PALLD: variants seen among roughly 807,000 people sequenced by gnomAD.
PALLD encodes palladin.
Under a neutral mutation model 123.5 loss-of-function variants are expected in PALLD, and 61 were observed. The observed-to-expected ratio is 0.49, with a 90% confidence interval of 0.40 to 0.61. PALLD has a LOEUF of 0.61. PALLD is among the 20% of genes least tolerant of loss of function. The probability of loss-of-function intolerance (pLI) is 0.00; values close to 1 mark genes in which losing one functional copy is unlikely to be tolerated. For missense variants in PALLD, 1,273 were observed against 1,377.0 expected (o/e 0.92, Z 1.20); for synonymous variants, 465 against 496.4 (o/e 0.94, Z 0.84).
intron 3 of PALLD, among the ~76,000 whole-genome samples, chr4:168,676,602 A>G (rs9999065): frequency 0.079 from 11,958 of 150,978 alleles, 1,113 homozygotes; most frequent in African/African-American, 0.22. Flanking sequence ...TTTTTTTGAA[A>G]AGTCTCGCTC....
At chr4:168,577,494 C>G (rs1283862908) in intron 2 of PALLD, among the ~76,000 whole-genome samples, 1 of 152,114 alleles carries the variant, frequency 6.6e-6, no homozygotes, top group Non-Finnish European at 1.5e-5. Flanking sequence ...ATGACATTCA[C>G]AGGATTGTAA....
chr4:168,899,887 G>A (rs1756089922), intron 14 of PALLD, among the ~76,000 whole-genome samples: 1 of 150,846 alleles, frequency 6.6e-6, no homozygotes, highest in African/African-American at 2.4e-5. Context: ...TTGCACTCCA[G>A]CTCAGGGCAA....
At chr4:168,601,581 A>C (rs1410412408) in intron 2 of PALLD, among the ~76,000 whole-genome samples, 1 of 152,164 alleles carries the variant, frequency 6.6e-6, no homozygotes, top group African/African-American at 2.4e-5. Context: ...CCTCTCTCTG[A>C]ATAGATCCAA....
At chr4:168,529,417 C>T (rs1348014616) in intron 2 of PALLD, among the ~76,000 whole-genome samples, 2 of 152,006 alleles carry the variant, frequency 1.3e-5, no homozygotes, top group Admixed American at 6.6e-5. Context: ...ATAGTATTAG[C>T]GCAAGTGCAG....
At chr4:168,570,898 C>T (rs1297366492) in intron 2 of PALLD, among the ~76,000 whole-genome samples, 2 of 152,108 alleles carry the variant, frequency 1.3e-5, no homozygotes, top group Non-Finnish European at 2.9e-5. Context: ...TTTCTCCTAT[C>T]CACATTTATT....
chr4:168,504,509 T>G (rs1359515877), intron 1 of PALLD, among the ~76,000 whole-genome samples: 1 of 151,066 alleles, frequency 6.6e-6, no homozygotes, highest in African/African-American at 2.4e-5. Flanking sequence ...AAGGAGAATC[T>G]CTTGAACCCG....
At chr4:168,639,646 C>G (rs919722364) in intron 2 of PALLD, among the ~76,000 whole-genome samples, 1 of 151,928 alleles carries the variant, frequency 6.6e-6, no homozygotes, top group Non-Finnish European at 1.5e-5. Context: ...CAGGTTCACA[C>G]CATTCTCCTG....
chr4:168,833,477 A>G (rs1744639389), intron 10 of PALLD, among the ~76,000 whole-genome samples: 1 of 152,138 alleles, frequency 6.6e-6, no homozygotes, highest in African/African-American at 2.4e-5. Context: ...GCACGAGAAA[A>G]GGACAGAGGG....
intron 2 of PALLD, among the ~76,000 whole-genome samples, chr4:168,528,396 T>C (rs912753090): frequency 6.6e-6 from 1 of 152,262 alleles, no homozygotes; most frequent in African/African-American, 2.4e-5. Context: ...GATGTGAAAG[T>C]CCAAAAAGAC....
intron 3 of PALLD, among the ~76,000 whole-genome samples, chr4:168,672,770 T>A (rs1327435237): frequency 1.3e-5 from 2 of 152,200 alleles, no homozygotes; most frequent in African/African-American, 4.8e-5. Flanking sequence ...GATGAACTTT[T>A]TTAACAGCAA....
chr4:168,535,148 T>C (rs10020701), intron 2 of PALLD, among the ~76,000 whole-genome samples: 63,448 of 152,034 alleles, frequency 0.42, 14,353 homozygotes, highest in African/African-American at 0.6. Context: ...CATTTTATAT[T>C]AGGAACTTGA....
At chr4:168,908,598 G>A (rs1758295879) in intron 15 of PALLD, among the ~76,000 whole-genome samples, 1 of 152,090 alleles carries the variant, frequency 6.6e-6, no homozygotes, top group Admixed American at 6.5e-5. Context: ...CTTCCTTAAT[G>A]CCCTTTAGTT....
intron 2 of PALLD, among the ~76,000 whole-genome samples, chr4:168,634,916 A>G (rs1467829126): frequency 1.3e-5 from 2 of 151,826 alleles, no homozygotes; most frequent in Non-Finnish European, 2.9e-5. Flanking sequence ...CCTATTTATT[A>G]TATGCTTGAC....
intron 2 of PALLD, 35 bp from the exon 3 acceptor site, chr4:168,668,155 T>C (rs775663062): frequency 7.1e-6 from 11 of 1,553,656 alleles, no homozygotes; most frequent in Non-Finnish European, 9.8e-6. Context: ...TTCCTTTCTT[T>C]CCCTCCTATC....
intron 2 of PALLD, among the ~76,000 whole-genome samples, chr4:168,553,577 C>T (rs1257319900): frequency 6.6e-6 from 1 of 152,184 alleles, no homozygotes; most frequent in Non-Finnish European, 1.5e-5. Context: ...TGTGGTATTG[C>T]TGTCAGAAAA....
chr4:168,498,074 T>G (rs1186392017), intron 1 of PALLD, among the ~76,000 whole-genome samples: 1 of 152,192 alleles, frequency 6.6e-6, no homozygotes, highest in Non-Finnish European at 1.5e-5. Context: ...AAATGTGCCT[T>G]CCAATGTTTT....
intron 10 of PALLD, among the ~76,000 whole-genome samples, chr4:168,733,368 T>A (rs1787367767): frequency 3.3e-5 from 5 of 152,186 alleles, no homozygotes; most frequent in Admixed American, 3.3e-4. Context: ...GGATGACTCC[T>A]GCATGTTTTC....
chr4:168,824,292 C>T (rs914377690), intron 10 of PALLD, among the ~76,000 whole-genome samples: 1 of 151,806 alleles, frequency 6.6e-6, no homozygotes, highest in Admixed American at 6.6e-5. Flanking sequence ...TATTTTTTTA[C>T]CAATCCTCTT....
Position 168,759,328 on chromosome 4 carries a change from C to T in PALLD, c.1964+47405C>T, listed in dbSNP as rs549034946. 2.9e-4 allele frequency among the ~76,000 whole-genome samples: 42 copies of T among 147,040 alleles called. 1 individual carries two copies. The highest frequency in any genetic ancestry group is 9.5e-4 in the African/African-American group (38 of 39,832). On this transcript the variant is annotated intron_variant, in intron 10 of 21. Coordinates refer to ENST00000505667, the MANE Select transcript of PALLD (RefSeq NM_001166108.2). Reference sequence around the variant, plus strand: ...CCAGTTCAATCATCCCCTAAGTATTCGTGTATAGTAGGATTTTAAAATGCA... The same window carrying T: ...CCAGTTCAATCATCCCCTAAGTATTTGTGTATAGTAGGATTTTAAAATGCA...
Sources: gnomAD v4.1 joint callset for allele counts (sites outside exome capture counted in the v4.1 genomes callset) on GRCh38, gnomAD v4.1.1 for gene constraint, MANE v1.5 for transcripts, NCBI Gene and HGNC (gene_info 2026-07-23, HGNC 2026-07-21) for gene names.